The following NR5A1 variants were observed in gnomAD, a reference collection of about 807,000 sequenced individuals.
NR5A1 encodes the protein steroidogenic factor 1.
NR5A1 carries 6 observed loss-of-function variants against 42.7 expected under a neutral mutation model. The ratio of observed to expected loss-of-function variants is 0.14; its 90% CI spans 0.08 to 0.28. NR5A1 has a LOEUF of 0.28. Ranked by LOEUF, NR5A1 falls within the 10% of genes least tolerant of loss-of-function variation. NR5A1 has a pLI of 1.00. For missense variants in NR5A1, 442 were observed against 626.4 expected (o/e 0.71, Z 3.14); for synonymous variants, 274 against 277.5 (o/e 0.99, Z 0.12).
intron 4 of NR5A1, among the ~76,000 whole-genome samples, chr9:124,495,292 C>A (rs1832374298): frequency 6.6e-6 from 1 of 152,222 alleles, no homozygotes; most frequent in Non-Finnish European, 1.5e-5. Flanking sequence ...AGTGCCAGCC[C>A]CCATGGAGCC....
chr9:124,499,597 C>T (rs1421533790), intron 4 of NR5A1, among the ~76,000 whole-genome samples: 1 of 152,210 alleles, frequency 6.6e-6, no homozygotes, highest in Non-Finnish European at 1.5e-5. Context: ...GCCAGCCTCC[C>T]TGAATGGGAG....
chr9:124,489,757 C>CCCCCG (rs543946825), intron 6 of NR5A1, among the ~76,000 whole-genome samples: 542 of 135,410 alleles, frequency 4.0e-3, no homozygotes, highest in South Asian at 0.016. Flanking sequence ...CCGCCCCCCA[C>CCCCCG]CCCAATGGCT....
At chr9:124,484,958 G>C (rs943798179) in intron 6 of NR5A1, among the ~76,000 whole-genome samples, 1 of 152,132 alleles carries the variant, frequency 6.6e-6, no homozygotes, top group Non-Finnish European at 1.5e-5. Flanking sequence ...GAGGTGCAGT[G>C]AAGAGACAGA....
At position 124,482,765 on chromosome 9, in the gene NR5A1, T is replaced by C. The variant is rs146454575; in HGVS notation, c.1379A>G (p.Gln460Arg). Residue 460 changes from glutamine (Q) to arginine (R), a missense_variant, in exon 7 of 7, where the codon CAG becomes CGG. Coordinates refer to ENST00000373588, the MANE Select transcript of NR5A1 (RefSeq NM_004959.5). ...NLLIEMLQAK[Q>R]T is the part of the protein sequence containing the mutation. ...CCCGCCCCCGGCCCAGGCTCAAGTC[T>C]GCTTGGCTTGCAGCATTTCGATGAG... The C allele has an allele frequency of 3.6e-5, 47 of 1,298,418 alleles. No homozygotes were observed. Among genetic ancestry groups the C allele is most frequent in the South Asian group, 7.3e-5 (6 of 82,034 alleles). The allele number at this position is 1,298,418 out of a possible 1,614,324, so 80.4% of individuals were successfully genotyped here.
At position 124,496,184 on chromosome 9, in the gene NR5A1, GCACA is replaced by G. The variant is rs59598562; in HGVS notation, c.871-3039_871-3036del. Among the ~76,000 whole-genome samples, 14 of 148,148 alleles carry G rather than the reference GCACA, an allele frequency of 9.5e-5. No homozygotes were observed. The highest frequency in any genetic ancestry group is 1.7e-4 in the Non-Finnish European group (11 of 66,662). On this transcript the variant is annotated intron_variant, in intron 4 of 6. Coordinates refer to ENST00000373588, the MANE Select transcript of NR5A1 (RefSeq NM_004959.5). This position sits in a 1 kb window ranked among gnomAD's most constrained non-coding sequence, Gnocchi z 5.0. ...ACACTCCCCACACAGATGAGAATGC[GCACA>G]CACACACACACACACACACAACCTC...
chr9:124,486,305 C>T (rs1276850379), intron 6 of NR5A1, among the ~76,000 whole-genome samples: 3 of 152,156 alleles, frequency 2.0e-5, no homozygotes. Context: ...TTCCCGGGCA[C>T]CCCCCAGGCA....
At chr9:124,491,017 A>AACCCCCCCC in intron 6 of NR5A1, 64 bp downstream of exon 6, 1 of 457,438 alleles carries the variant, frequency 2.2e-6, no homozygotes, top group Non-Finnish European at 4.2e-6. Flanking sequence ...CTCCAGCCTC[A>AACCCCCCCC]CCCACCCTCC....
Position 124,485,580 on chromosome 9 carries a change from T to C in NR5A1, c.1139-2575A>G, listed in dbSNP as rs990250445. Among the ~76,000 whole-genome samples the C allele has an allele frequency of 5.3e-5, 8 of 152,152 alleles. No individual in the cohort carries two copies. The South Asian group carries it at 6.2e-4, about 12-fold the overall frequency. On this transcript the variant is annotated intron_variant, in intron 6 of 6. Coordinates refer to ENST00000373588, the MANE Select transcript of NR5A1 (RefSeq NM_004959.5). ...CCCTTCTGAAGCGAGCCAGGAGCAC[T>C]TTCTTCCTCACTTCCCCAGGGTCAC...
intron 3 of NR5A1, 104 bp downstream of exon 3, chr9:124,502,975 T>G: frequency 2.4e-5 from 34 of 1,397,028 alleles, no homozygotes; most frequent in East Asian, 7.9e-5. Flanking sequence ...ACGAGGGGCC[T>G]TCGCGAAGGC....
intron 1 of NR5A1, among the ~76,000 whole-genome samples, chr9:124,504,687 C>T (rs140078874): frequency 6.7e-6 from 1 of 149,522 alleles, no homozygotes; most frequent in Admixed American, 6.7e-5. Flanking sequence ...CCCACCTGGT[C>T]GCTCCTGCGA....
chr9:124,492,146 C>A (rs1363931980), intron 5 of NR5A1, among the ~76,000 whole-genome samples: 1 of 152,098 alleles, frequency 6.6e-6, no homozygotes, highest in African/African-American at 2.4e-5. Context: ...CACCCCACAG[C>A]ACCCACCGAC....
intron 4 of NR5A1, among the ~76,000 whole-genome samples, chr9:124,499,618 G>A (rs1319041092): frequency 6.6e-6 from 1 of 152,184 alleles, no homozygotes; most frequent in Non-Finnish European, 1.5e-5. Flanking sequence ...GACAGGATGG[G>A]CCGGACCCCC....
At position 124,482,795 on chromosome 9, in the gene NR5A1, T is replaced by C; in HGVS notation, c.1349A>G (p.Asn450Ser). ...KHLGNEMPRN[N>S]LLIEMLQAKQ... ...GGCTTGCAGCATTTCGATGAGCAGG[T>C]TGTTGCGGGGCATCTCGTTGCCCAG... The change falls in exon 7 of 7, where the codon AAC becomes AGC. Residue 450 changes from asparagine (N) to serine (S), a missense_variant. By Grantham distance (46) the Asn-to-Ser change is conservative. Transcript: ENST00000373588. 3 of 1,376,160 alleles carry C rather than the reference T, an allele frequency of 2.2e-6. No homozygotes were observed. The highest frequency in any genetic ancestry group is 2.9e-6 in the Non-Finnish European group (3 of 1,035,486). The allele number at this position is 1,376,160 out of a possible 1,614,324, so 85.2% of individuals were successfully genotyped here. A position where few individuals can be genotyped will look rare whatever the true frequency, so the allele number is the denominator to read the frequency against.
At chr9:124,494,982 C>A (rs1832368851) in intron 4 of NR5A1, among the ~76,000 whole-genome samples, 1 of 152,290 alleles carries the variant, frequency 6.6e-6, no homozygotes, top group Admixed American at 6.5e-5. Context: ...CCTGGGGCGT[C>A]CCTGGGGCCT....
chr9:124,491,488 C>T (rs972808935), intron 5 of NR5A1, among the ~76,000 whole-genome samples: 3 of 152,164 alleles, frequency 2.0e-5, no homozygotes, highest in African/African-American at 7.2e-5. Flanking sequence ...TGCCCGCGTC[C>T]ACCCCTCCTT....
chr9:124,500,700 C>T lies in NR5A1; in HGVS notation c.260G>A (p.Arg87His), dbSNP rs1185991537. Residue 87 changes from arginine to histidine, a missense_variant, in exon 4 of 7, where the codon CGT (arginine) becomes CAT (histidine). Arg to His is a conservative substitution (Grantham distance 29). This residue lies in a region of NR5A1 where 71 missense variants were observed against 156.8 expected (regional missense o/e 0.45). Transcript: ENST00000373588. This position sits in a 1 kb window ranked among gnomAD's most constrained non-coding sequence, Gnocchi z 6.9. The stretch of plus-strand genomic sequence containing the variant: ...AAACTTGTTCCGGCCACCCCTCATA[C>T]GGTCAGCGCGCACGGCTGTGGGCAG... ...GMRLEAVRADRMRGGRNKFGP... is the reference protein window; with the variant it reads ...GMRLEAVRADHMRGGRNKFGP... 2.5e-6 allele frequency: 4 copies of T among 1,612,980 alleles called. No individual in the cohort carries two copies. Among genetic ancestry groups the T allele is most frequent in the Admixed American group, 1.7e-5 (1 of 60,034 alleles).
rs903772477 is a variant in NR5A1 at position 124,498,283 on chromosome 9, C to G, written c.870+1807G>C. On this transcript the variant is annotated intron_variant, in intron 4 of 6. Transcript: ENST00000373588. This position sits in a 1 kb window ranked among gnomAD's most constrained non-coding sequence, Gnocchi z 4.6. Reference sequence around the variant, plus strand: ...TTCCACATGGCTTACGAGAGGCGCTCTAAGGGCTGGGCTGGTACTTATCTG... The same window carrying G: ...TTCCACATGGCTTACGAGAGGCGCTGTAAGGGCTGGGCTGGTACTTATCTG... Among the ~76,000 whole-genome samples, 3 of 152,182 alleles carry G rather than the reference C, an allele frequency of 2.0e-5. No individual in the cohort carries two copies. The highest frequency in any genetic ancestry group is 4.8e-5 in the African/African-American group (2 of 41,442).
chr9:124,487,795 G>A (rs1484233155), intron 6 of NR5A1, among the ~76,000 whole-genome samples: 1 of 152,310 alleles, frequency 6.6e-6, no homozygotes, highest in South Asian at 2.1e-4. Flanking sequence ...TGGTGGTCTG[G>A]GTGGGATCAG....
At chr9:124,491,037 G>GGGGGGGGCCCCC in intron 6 of NR5A1, 44 bp downstream of exon 6, 1 of 302,890 alleles carries the variant, frequency 3.3e-6, no homozygotes, top group Non-Finnish European at 5.6e-6. Flanking sequence ...CCACCCACCC[G>GGGGGGGGCCCCC]CCTCTGGCTG....
Sources: allele counts gnomAD v4.1 joint callset (sites outside exome capture counted in the v4.1 genomes callset), GRCh38; gene constraint gnomAD v4.1.1; regional missense constraint gnomAD v4.1.1; non-coding constraint Gnocchi (gnomAD v3.1); transcripts MANE v1.5; gene names NCBI Gene and HGNC (gene_info 2026-07-23, HGNC 2026-07-21).